PCDHGB1: variants seen among roughly 807,000 people sequenced by gnomAD.
The protein encoded by PCDHGB1 is protocadherin gamma subfamily B, 1, also known as protocadherin gamma-B1.
A neutral mutation model predicts 56.6 loss-of-function variants in PCDHGB1; 34 were observed. The observed-to-expected ratio is 0.60, with a 90% CI of 0.46 to 0.80. PCDHGB1 has a LOEUF of 0.80. PCDHGB1 is among the 30% of genes least tolerant of loss of function. The pLI is 0.00. For missense variants in PCDHGB1, 1,278 were observed against 1,204.6 expected (o/e 1.06, Z -0.90); for synonymous variants, 561 against 505.9 (o/e 1.11, Z -1.46).
At chr5:141,365,447 G>C in intron 1 of PCDHGB1, 2 of 1,614,034 alleles carry the variant, frequency 1.2e-6, no homozygotes, top group Non-Finnish European at 1.7e-6. Flanking sequence ...TAGCGTACAT[G>C]ATGGTGATTC....
chr5:141,380,680 C>A (rs952566953), intron 1 of PCDHGB1, among the ~76,000 whole-genome samples: 2 of 152,184 alleles, frequency 1.3e-5, no homozygotes, highest in Middle Eastern at 3.2e-3. Context: ...GGTATGTATG[C>A]TTTGTGTTCG....
chr5:141,511,560 TC>T lies in PCDHGB1; in HGVS notation c.*390del. ...CCACCCCACTCCAACAGTTCCTCTT[TC>T]CCGAGTAAGGTGGTTGGGGTGTTGA... On this transcript the variant is annotated 3_prime_UTR_variant, in exon 4 of 4. Transcript: ENST00000523390. 3.3e-6 allele frequency: 1 copy of T among 298,990 alleles called. No individual in the cohort carries two copies. The highest frequency in any genetic ancestry group is 3.7e-5 in the South Asian group (1 of 27,250). The allele number at this position is 298,990 out of a possible 1,614,324, so 18.5% of individuals were successfully genotyped here. A position where few individuals can be genotyped will look rare whatever the true frequency, so the allele number is the denominator to read the frequency against.
intron 1 of PCDHGB1, chr5:141,372,199 C>T: frequency 9.3e-6 from 15 of 1,613,572 alleles, no homozygotes; most frequent in Non-Finnish European, 1.3e-5. Flanking sequence ...GGATACAACG[C>T]CTGGCTGTCC....
chr5:141,393,367 G>T, intron 1 of PCDHGB1: 1 of 1,613,962 alleles, frequency 6.2e-7, no homozygotes, highest in South Asian at 1.1e-5. Context: ...GTGCAGACTG[G>T]AGACAATGGA....
chr5:141,395,515 C>T (rs527577408), intron 1 of PCDHGB1: 5 of 407,340 alleles, frequency 1.2e-5, no homozygotes, highest in South Asian at 7.2e-5. Context: ...AGTAGCTACC[C>T]GTCCATACTG....
At chr5:141,403,585 C>A in intron 1 of PCDHGB1, 1 of 1,613,894 alleles carries the variant, frequency 6.2e-7, no homozygotes, top group South Asian at 1.1e-5. Context: ...ACCACCTGGT[C>A]CTCACGGCCT....
rs17097297 is a variant in PCDHGB1 at position 141,426,366 on chromosome 5, G to C, written c.2410-68441G>C. 737 of 204,832 alleles carry C rather than the reference G, an allele frequency of 3.6e-3. 4 individuals are homozygous for C. The highest frequency in any genetic ancestry group is 0.015 in the African/African-American group (666 of 43,954). 12.7% of individuals were successfully genotyped at this position (204,832 alleles called of 1,614,324 possible). Reference sequence around the variant, plus strand: ...CTTTCCTGCTGCCTTTGTTCTGCGGGGCACCCTCGGAGCAGATCCGCTACT... The same window carrying C: ...CTTTCCTGCTGCCTTTGTTCTGCGGCGCACCCTCGGAGCAGATCCGCTACT... On this transcript the variant is annotated intron_variant, in intron 1 of 3. Transcript: ENST00000523390.
At chr5:141,433,854 A>T (rs2097660850) in intron 1 of PCDHGB1, among the ~76,000 whole-genome samples, 1 of 151,852 alleles carries the variant, frequency 6.6e-6, no homozygotes, top group African/African-American at 2.4e-5. Context: ...AAAAAAAAAA[A>T]ACTTTATCCT....
chr5:141,436,089 T>C (rs1001252646), intron 1 of PCDHGB1, among the ~76,000 whole-genome samples: 1 of 152,204 alleles, frequency 6.6e-6, no homozygotes, highest in Non-Finnish European at 1.5e-5. Context: ...ATAGGTAATA[T>C]TGAGAGAAAT....
chr5:141,426,090 T>G (rs545457395), intron 1 of PCDHGB1, among the ~76,000 whole-genome samples: 1 of 152,246 alleles, frequency 6.6e-6, no homozygotes, highest in African/African-American at 2.4e-5. Context: ...CAGGACGATA[T>G]TCTGTTCAGT....
chr5:141,351,764 T>C lies in PCDHGB1; in HGVS notation c.1504T>C (p.Ser502Pro), dbSNP rs766409465. Residue 502 changes from serine (S) to proline (P), a missense_variant, in exon 1 of 4, where the codon TCC becomes CCC. Ser to Pro is a moderately conservative substitution (Grantham distance 74). Coordinates refer to ENST00000523390, the MANE Select transcript of PCDHGB1 (RefSeq NM_018922.3). ...LEPRELLSYV[S>P]VSPQSGVVFA... Reference sequence around the variant, plus strand: ...GCCGCGGGAGCTGTTGTCCTACGTGTCCGTGAGCCCGCAGAGCGGGGTGGT... The same window carrying C: ...GCCGCGGGAGCTGTTGTCCTACGTGCCCGTGAGCCCGCAGAGCGGGGTGGT... 3 of 1,613,590 alleles carry C rather than the reference T, an allele frequency of 1.9e-6. No individual in the cohort carries two copies. Among genetic ancestry groups the C allele is most frequent in the Admixed American group, 1.7e-5 (1 of 60,036 alleles).
At chr5:141,418,891 C>T in intron 1 of PCDHGB1, 2 of 1,613,842 alleles carry the variant, frequency 1.2e-6, no homozygotes, top group South Asian at 2.2e-5. Flanking sequence ...ACGACAACAG[C>T]CCAGAAATAA....
At chr5:141,368,749 A>T (rs1765836759) in intron 1 of PCDHGB1, among the ~76,000 whole-genome samples, 1 of 152,194 alleles carries the variant, frequency 6.6e-6, no homozygotes. Flanking sequence ...ATACTTTTAA[A>T]TATCTGAATC....
Position 141,476,370 on chromosome 5 carries a change from A to G in PCDHGB1, c.2410-18437A>G, listed in dbSNP as rs747703594. 13 of 1,613,882 alleles carry G rather than the reference A, an allele frequency of 8.1e-6. No individual in the cohort carries two copies. In the East Asian group the frequency reaches 2.7e-4, roughly 33 times the overall value. On this transcript the variant is annotated intron_variant, in intron 1 of 3. Transcript: ENST00000523390. This position sits in a 1 kb window ranked among gnomAD's most constrained non-coding sequence, Gnocchi z 7.6. ...TTTGAGGTGAACCGGGAGACCGGAG[A>G]GATGTTTGTGAACGACCGTCTGGAT...
rs756627468 is a variant in PCDHGB1, at chr5:141,370,720, T to A, written c.2409+18051T>A. On this transcript the variant is annotated intron_variant, in intron 1 of 3. Transcript: ENST00000523390. Reference sequence around the variant, plus strand: ...ACGTGTGTTCTGGAATTTGAAATGGTTGCTGAAAAGCCTTTAAACTTTTTT... The same window carrying A: ...ACGTGTGTTCTGGAATTTGAAATGGATGCTGAAAAGCCTTTAAACTTTTTT... 4.3e-6 allele frequency: 7 copies of A among 1,613,868 alleles called. No homozygotes were observed. The South Asian group carries it at 7.7e-5, about 18-fold the overall frequency.
chr5:141,364,653 T>C, intron 1 of PCDHGB1: 1 of 1,614,052 alleles, frequency 6.2e-7, no homozygotes, highest in Non-Finnish European at 8.5e-7. Context: ...AACTTTAACA[T>C]CTTGGTTGAG....
chr5:141,399,459 C>T (rs897098728), intron 1 of PCDHGB1: 6 of 1,613,894 alleles, frequency 3.7e-6, no homozygotes, highest in Non-Finnish European at 5.1e-6. Context: ...TCAACGATAA[C>T]GCTCCGGTTT....
In PCDHGB1 at chr5:141,489,362, C is replaced by T. The variant is rs1562129544; in HGVS notation, c.2410-5445C>T. 8 of 1,613,052 alleles carry T rather than the reference C, an allele frequency of 5.0e-6. No individual in the cohort carries two copies. Among genetic ancestry groups the T allele is most frequent in the South Asian group, 2.2e-5 (2 of 90,970 alleles). On this transcript the variant is annotated intron_variant, in intron 1 of 3. Coordinates refer to ENST00000523390, the MANE Select transcript of PCDHGB1 (RefSeq NM_018922.3). The surrounding 1 kb of genome is among the most constrained non-coding windows in gnomAD (Gnocchi z 4.5). ...TACTCAGTGGTGGAGGAGTCTGAGC[C>T]GGGGACGCTGGTGGGGAATGTTGCT...
intron 2 of PCDHGB1, among the ~76,000 whole-genome samples, chr5:141,502,719 C>G (rs1242423173): frequency 1.3e-5 from 2 of 152,190 alleles, no homozygotes; most frequent in Non-Finnish European, 2.9e-5. Flanking sequence ...TCAGTGATTA[C>G]AAAGCGGTGA....
Sources: gnomAD v4.1 joint callset for allele counts (sites outside exome capture counted in the v4.1 genomes callset) on GRCh38, gnomAD v4.1.1 for gene constraint, Gnocchi (gnomAD v3.1) non-coding constraint, MANE v1.5 for transcripts, NCBI Gene and HGNC (gene_info 2026-07-23, HGNC 2026-07-21) for gene names.